TAFA1: variants seen among roughly 807,000 people sequenced by gnomAD.
TAFA1 encodes the protein chemokine-like protein TAFA-1.
A neutral mutation model predicts 18.5 loss-of-function variants in TAFA1; 4 were observed. That is an observed-to-expected ratio of 0.22 (90% CI 0.11 to 0.49). TAFA1 has a LOEUF of 0.49. Ranked by LOEUF, TAFA1 falls within the 20% of genes least tolerant of loss-of-function variation. The pLI, the probability that TAFA1 is intolerant of heterozygous loss-of-function variation, is 0.98. For missense variants in TAFA1, 147 were observed against 169.0 expected, an observed-to-expected ratio of 0.87 and a Z score of 0.72; for synonymous variants, 56 against 55.2, an observed-to-expected ratio of 1.01 and a Z score of -0.06.
chr3:68,078,084 A>G (rs2064849616), intron 2 of TAFA1, among the ~76,000 whole-genome samples: 1 of 151,564 alleles, frequency 6.6e-6, no homozygotes, highest in African/African-American at 2.4e-5. Context: ...TGTGAATGGG[A>G]GTTCACTCAT....
chr3:68,192,765 C>T (rs2066358713), intron 2 of TAFA1, among the ~76,000 whole-genome samples: 1 of 151,670 alleles, frequency 6.6e-6, no homozygotes, highest in South Asian at 2.1e-4. Context: ...AAAAGGGACA[C>T]TCCAAGCATA....
At chr3:68,273,341 A>G (rs2067714503) in intron 2 of TAFA1, among the ~76,000 whole-genome samples, 1 of 152,186 alleles carries the variant, frequency 6.6e-6, no homozygotes, top group Non-Finnish European at 1.5e-5. Context: ...GGAGAAAGGA[A>G]GAGGCCAGAT....
At chr3:68,389,063 C>T (rs2070169329) in intron 2 of TAFA1, among the ~76,000 whole-genome samples, 1 of 152,134 alleles carries the variant, frequency 6.6e-6, no homozygotes, top group Non-Finnish European at 1.5e-5. Flanking sequence ...GTTTGCTAAG[C>T]AGTACATGGT....
At chr3:68,370,503 T>C (rs1445976296) in intron 2 of TAFA1, among the ~76,000 whole-genome samples, 1 of 107,730 alleles carries the variant, frequency 9.3e-6, no homozygotes, top group African/African-American at 3.5e-5. Context: ...TATATATATA[T>C]ATATATATAT....
chr3:68,174,654 G>A (rs2066100809), intron 2 of TAFA1, among the ~76,000 whole-genome samples: 1 of 152,184 alleles, frequency 6.6e-6, no homozygotes, highest in Admixed American at 6.5e-5. Context: ...GCATTCAAGA[G>A]GTGACTTGGG....
At chr3:68,327,745 T>C (rs977402038) in intron 2 of TAFA1, among the ~76,000 whole-genome samples, 121 of 152,140 alleles carry the variant, frequency 8.0e-4, no homozygotes, top group African/African-American at 2.9e-3. Flanking sequence ...TCAATTAACA[T>C]GCATAAAAAT....
chr3:68,356,959 G>A (rs536001405), intron 2 of TAFA1, among the ~76,000 whole-genome samples: 15 of 152,004 alleles, frequency 9.9e-5, no homozygotes, highest in African/African-American at 2.4e-4. Flanking sequence ...AGTATCACGT[G>A]TTTTACAGCT....
At chr3:68,345,444 T>C (rs1449069149) in intron 2 of TAFA1, among the ~76,000 whole-genome samples, 1 of 152,020 alleles carries the variant, frequency 6.6e-6, no homozygotes, top group East Asian at 1.9e-4. Context: ...AATATAGAAA[T>C]AGAGCTGCCC....
intron 2 of TAFA1, among the ~76,000 whole-genome samples, chr3:68,063,468 T>G (rs1044061141): frequency 2.0e-5 from 3 of 152,176 alleles, no homozygotes; most frequent in Admixed American, 1.3e-4. Flanking sequence ...ATGAAAATAG[T>G]TTTTGAAAGT....
At chr3:68,451,581 C>T (rs2071566964) in intron 3 of TAFA1, among the ~76,000 whole-genome samples, 1 of 152,138 alleles carries the variant, frequency 6.6e-6, no homozygotes, top group South Asian at 2.1e-4. Context: ...CCCCTTCCAT[C>T]TGTACATTCA....
intron 2 of TAFA1, among the ~76,000 whole-genome samples, chr3:68,406,089 T>C (rs773895905): frequency 6.6e-6 from 1 of 152,164 alleles, no homozygotes; most frequent in Admixed American, 6.6e-5. Flanking sequence ...TACAACTTGC[T>C]CCAAATTCAT....
At chr3:68,056,471 A>G (rs1455822531) in intron 2 of TAFA1, among the ~76,000 whole-genome samples, 2 of 152,140 alleles carry the variant, frequency 1.3e-5, no homozygotes, top group Non-Finnish European at 2.9e-5. Flanking sequence ...CAACTGTGTA[A>G]TTACTCCAGA....
chr3:68,061,473 G>A (rs970522640), intron 2 of TAFA1, among the ~76,000 whole-genome samples: 1 of 152,130 alleles, frequency 6.6e-6, no homozygotes, highest in Non-Finnish European at 1.5e-5. Flanking sequence ...GGCATAGTGG[G>A]AATCAGTGCA....
chr3:68,014,225 C>T (rs1048851814), intron 2 of TAFA1, among the ~76,000 whole-genome samples: 2 of 152,146 alleles, frequency 1.3e-5, no homozygotes, highest in African/African-American at 2.4e-5. Flanking sequence ...AATACACAGG[C>T]AGGGGGTAAA....
At chr3:68,174,832 A>G (rs540942948) in intron 2 of TAFA1, among the ~76,000 whole-genome samples, 1 of 152,306 alleles carries the variant, frequency 6.6e-6, no homozygotes, top group African/African-American at 2.4e-5. Context: ...GCCTAAGACA[A>G]TGGGGAAAAT....
intron 2 of TAFA1, among the ~76,000 whole-genome samples, chr3:68,148,589 G>A (rs186783538): frequency 3.1e-4 from 47 of 152,278 alleles, no homozygotes; most frequent in African/African-American, 9.4e-4. Flanking sequence ...AAAAGCGTTT[G>A]GCCTGTGTCT....
At chr3:68,437,985 C>T (rs1359906927) in intron 3 of TAFA1, among the ~76,000 whole-genome samples, 2 of 152,024 alleles carry the variant, frequency 1.3e-5, no homozygotes, top group Non-Finnish European at 2.9e-5. Flanking sequence ...ATTCCCATTC[C>T]AAAATGGAGA....
intron 3 of TAFA1, among the ~76,000 whole-genome samples, chr3:68,490,052 T>C (rs2072421177): frequency 6.6e-6 from 1 of 152,226 alleles, no homozygotes; most frequent in South Asian, 2.1e-4. Context: ...ATAGCATTTG[T>C]TGCCAATGAT....
intron 3 of TAFA1, among the ~76,000 whole-genome samples, chr3:68,453,264 C>T (rs1357233536): frequency 6.6e-6 from 1 of 152,266 alleles, no homozygotes; most frequent in East Asian, 1.9e-4. Context: ...TTAATTTGTG[C>T]TGGGGACTGA....
Sources: gnomAD v4.1 joint callset for allele counts (sites outside exome capture counted in the v4.1 genomes callset) on GRCh38, gnomAD v4.1.1 for gene constraint, MANE v1.5 for transcripts, NCBI Gene and HGNC (gene_info 2026-07-23, HGNC 2026-07-21) for gene names.